The following SIPA1L1 variants were observed in gnomAD, a reference collection of about 807,000 sequenced individuals.
The protein encoded by SIPA1L1 is signal induced proliferation associated 1 like 1.
In SIPA1L1, 26 loss-of-function variants were observed where a neutral mutation model predicts 162.7. That is an observed-to-expected ratio of 0.16 (90% CI 0.12 to 0.22). SIPA1L1 has a LOEUF of 0.22. Among genes scored for constraint, SIPA1L1 ranks in the 10% least tolerant of loss-of-function variants. SIPA1L1 has a pLI of 1.00. For missense variants in SIPA1L1, 1,874 were observed against 2,241.0 expected (o/e 0.84, Z 3.31); for synonymous variants, 829 against 837.4 (o/e 0.99, Z 0.17).
At chr14:71,491,526 G>C (rs1374714327) in intron 2 of SIPA1L1, among the ~76,000 whole-genome samples, 1 of 151,886 alleles carries the variant, frequency 6.6e-6, no homozygotes, top group Non-Finnish European at 1.5e-5. Context: ...CCTGTTTGTT[G>C]TTGTTGTTGT....
chr14:71,331,333 T>C (rs950192846), intron 2 of SIPA1L1, among the ~76,000 whole-genome samples: 1 of 152,234 alleles, frequency 6.6e-6, no homozygotes, highest in African/African-American at 2.4e-5. Flanking sequence ...AATGGCACTT[T>C]TAAGTTATGC....
chr14:71,476,859 T>G (rs978537330), intron 2 of SIPA1L1, among the ~76,000 whole-genome samples: 50 of 152,008 alleles, frequency 3.3e-4, no homozygotes, highest in African/African-American at 1.2e-3. Flanking sequence ...TTGTATTTTT[T>G]TTTAAGAGAG....
At chr14:71,735,921 A>T (rs2085248168) in intron 22 of SIPA1L1, among the ~76,000 whole-genome samples, 1 of 152,236 alleles carries the variant, frequency 6.6e-6, no homozygotes, top group African/African-American at 2.4e-5. Flanking sequence ...CAGGGACTTT[A>T]CAACTTCTAT....
At chr14:71,671,905 G>C (rs1596818764) in intron 11 of SIPA1L1, among the ~76,000 whole-genome samples, 1 of 11,032 alleles carries the variant, frequency 9.1e-5, no homozygotes, top group Admixed American at 1.0e-3. Context: ...TTTACTCTGT[G>C]TGTGTGTGTG....
At chr14:71,447,169 C>T (rs556630733) in intron 2 of SIPA1L1, among the ~76,000 whole-genome samples, 1 of 151,888 alleles carries the variant, frequency 6.6e-6, no homozygotes, top group East Asian at 1.9e-4. Context: ...CTGCCTTAGC[C>T]TCCCAAAGTG....
At chr14:71,482,534 T>C (rs1464929457) in intron 2 of SIPA1L1, among the ~76,000 whole-genome samples, 1 of 152,218 alleles carries the variant, frequency 6.6e-6, no homozygotes, top group Non-Finnish European at 1.5e-5. Context: ...TGCCACTCTT[T>C]CCCTGAGTAC....
At chr14:71,580,477 A>G (rs991992527) in intron 4 of SIPA1L1, among the ~76,000 whole-genome samples, 4 of 152,218 alleles carry the variant, frequency 2.6e-5, no homozygotes, top group Admixed American at 2.0e-4. Flanking sequence ...TTTTATGTCA[A>G]TATTAAATAT....
intron 4 of SIPA1L1, among the ~76,000 whole-genome samples, chr14:71,571,093 C>A (rs753962791): frequency 4.6e-4 from 70 of 152,182 alleles, no homozygotes; most frequent in Non-Finnish European, 8.1e-4. Context: ...CTGCACCTGG[C>A]CAGAATGATT....
chr14:71,351,005 C>T (rs546238095), intron 2 of SIPA1L1, among the ~76,000 whole-genome samples: 2 of 152,224 alleles, frequency 1.3e-5, no homozygotes, highest in South Asian at 4.1e-4. Flanking sequence ...CAACTTTGAT[C>T]TGTGAAATAG....
At chr14:71,349,066 T>C (rs375781008) in intron 2 of SIPA1L1, among the ~76,000 whole-genome samples, 2 of 152,174 alleles carry the variant, frequency 1.3e-5, no homozygotes, top group East Asian at 3.8e-4. Context: ...AGAAAGAAAA[T>C]ATCACAGATT....
At chr14:71,593,134 G>A (rs1417817150) in intron 5 of SIPA1L1, among the ~76,000 whole-genome samples, 1 of 152,150 alleles carries the variant, frequency 6.6e-6, no homozygotes, top group Non-Finnish European at 1.5e-5. Context: ...CAGTAGGGCT[G>A]CATTCAGATT....
intron 2 of SIPA1L1, chr14:71,321,847 T>C (rs1361863249): frequency 6.6e-6 from 1 of 152,180 alleles, no homozygotes; most frequent in Admixed American, 6.5e-5. Flanking sequence ...AGTAATCGTG[T>C]TGGGCAGGTT....
At chr14:71,470,071 A>G (rs1252114873) in intron 2 of SIPA1L1, among the ~76,000 whole-genome samples, 12 of 152,216 alleles carry the variant, frequency 7.9e-5, no homozygotes, top group Non-Finnish European at 1.8e-4. Context: ...AGCTTTGTAA[A>G]TACTTGGGTA....
chr14:71,531,107 T>A (rs2053400722), intron 4 of SIPA1L1, among the ~76,000 whole-genome samples: 1 of 152,168 alleles, frequency 6.6e-6, no homozygotes, highest in South Asian at 2.1e-4. Context: ...TCTCTGTATC[T>A]ACTTCTACAC....
At chr14:71,360,296 A>G (rs1007884058) in intron 2 of SIPA1L1, among the ~76,000 whole-genome samples, 1 of 152,232 alleles carries the variant, frequency 6.6e-6, no homozygotes, top group Non-Finnish European at 1.5e-5. Context: ...TTTAGAATTC[A>G]GTGACAATAA....
chr14:71,380,148 T>C (rs2039772978), intron 2 of SIPA1L1, among the ~76,000 whole-genome samples: 1 of 152,214 alleles, frequency 6.6e-6, no homozygotes, highest in Admixed American at 6.5e-5. Flanking sequence ...TGTAAGGTAA[T>C]AGAAAAGGGT....
chr14:71,348,130 T>C (rs933616572), intron 2 of SIPA1L1, among the ~76,000 whole-genome samples: 3 of 152,134 alleles, frequency 2.0e-5, no homozygotes, highest in Non-Finnish European at 4.4e-5. Context: ...ATAATCCACA[T>C]CAAGTATGCA....
chr14:71,578,871 G>T (rs2033511872), intron 4 of SIPA1L1, among the ~76,000 whole-genome samples: 1 of 152,060 alleles, frequency 6.6e-6, no homozygotes, highest in Non-Finnish European at 1.5e-5. Flanking sequence ...TGTTATTTGG[G>T]GTTAACGTAT....
intron 4 of SIPA1L1, among the ~76,000 whole-genome samples, chr14:71,559,539 A>C (rs555955088): frequency 6.6e-6 from 1 of 152,348 alleles, no homozygotes; most frequent in East Asian, 1.9e-4. Context: ...TTTATCATTT[A>C]TGGTGGTAAG....
Sources: allele counts gnomAD v4.1 joint callset (sites outside exome capture counted in the v4.1 genomes callset), GRCh38; gene constraint gnomAD v4.1.1; transcripts MANE v1.5; gene names NCBI Gene and HGNC (gene_info 2026-07-23, HGNC 2026-07-21).